Variants in HMCN1 observed in about 807,000 individuals in gnomAD.
The protein encoded by HMCN1 is hemicentin 1.
A neutral mutation model predicts 625.9 loss-of-function variants in HMCN1; 321 were observed. That is an observed-to-expected ratio of 0.51 (90% CI 0.47 to 0.56). The LOEUF is 0.56. HMCN1 is among the 20% of genes least tolerant of loss of function. The pLI, the probability that HMCN1 is intolerant of heterozygous loss-of-function variation, is 0.00. For synonymous variants in HMCN1, 2,425 were observed against 2,417.6 expected, an observed-to-expected ratio of 1.00 and a Z score of -0.09; for missense variants, 6,588 against 6,887.3, an observed-to-expected ratio of 0.96 and a Z score of 1.54.
At chr1:185,873,230 A>C (rs1248109821) in intron 4 of HMCN1, among the ~76,000 whole-genome samples, 1 of 152,170 alleles carries the variant, frequency 6.6e-6, no homozygotes, top group East Asian at 1.9e-4. Flanking sequence ...CTGCATTGCT[A>C]ATTCTGGGTT....
chr1:185,771,197 A>G (rs1656217566), intron 1 of HMCN1, among the ~76,000 whole-genome samples: 1 of 152,194 alleles, frequency 6.6e-6, no homozygotes, highest in Non-Finnish European at 1.5e-5. Context: ...GCATTCCAGA[A>G]TACTGTACTG....
At chr1:186,030,352 G>A (rs10798031) in intron 36 of HMCN1, among the ~76,000 whole-genome samples, 98,151 of 151,856 alleles carry the variant, frequency 0.65, 33,356 homozygotes, top group African/African-American at 0.88. Context: ...TTTTTGTTCC[G>A]TGTATATTGG....
chr1:186,073,754 T>G (rs1029236796), intron 52 of HMCN1, among the ~76,000 whole-genome samples: 1 of 151,618 alleles, frequency 6.6e-6, no homozygotes, highest in Non-Finnish European at 1.5e-5. Context: ...AGTGAAAATA[T>G]TGCAAGGTCA....
At chr1:186,012,336 A>G (rs551741176) in intron 30 of HMCN1, among the ~76,000 whole-genome samples, 1 of 151,936 alleles carries the variant, frequency 6.6e-6, no homozygotes, top group South Asian at 2.1e-4. Flanking sequence ...TTTTCTGAAA[A>G]TATTTTTGAC....
At chr1:186,034,301 C>T (rs1162825580) in intron 36 of HMCN1, among the ~76,000 whole-genome samples, 2 of 152,160 alleles carry the variant, frequency 1.3e-5, no homozygotes, top group African/African-American at 4.8e-5. Flanking sequence ...AATATTAACC[C>T]AGTCAGGCCA....
intron 1 of HMCN1, among the ~76,000 whole-genome samples, chr1:185,804,179 T>C (rs1357806585): frequency 6.6e-6 from 1 of 152,018 alleles, no homozygotes; most frequent in Non-Finnish European, 1.5e-5. Flanking sequence ...GTTTTCAAAG[T>C]ATAATTTTAG....
chr1:186,127,218 A>C (rs74136040), intron 82 of HMCN1, among the ~76,000 whole-genome samples: 1,619 of 152,210 alleles, frequency 0.011, 26 homozygotes, highest in African/African-American at 0.032. Flanking sequence ...TGGGGCATGA[A>C]TGTGAGACAT....
At chr1:185,889,667 A>G (rs879405572) in intron 4 of HMCN1, among the ~76,000 whole-genome samples, 61 of 138,186 alleles carry the variant, frequency 4.4e-4, no homozygotes, top group Non-Finnish European at 7.6e-4. Context: ...AGCCCACTTG[A>G]TCATGGTGGA....
At chr1:186,119,598 T>C in intron 78 of HMCN1, 147 bp from the exon 79 acceptor site, 1 of 832,152 alleles carries the variant, frequency 1.2e-6, no homozygotes. Flanking sequence ...AAGAATGCAG[T>C]GTGGCCAACA....
chr1:186,016,537 A>G (rs1654380639), intron 32 of HMCN1, among the ~76,000 whole-genome samples: 1 of 152,044 alleles, frequency 6.6e-6, no homozygotes, highest in Admixed American at 6.6e-5. Context: ...GTCTTTTGTC[A>G]TAAGCATTGT....
At chr1:185,944,780 T>G (rs1283863023) in intron 11 of HMCN1, among the ~76,000 whole-genome samples, 3 of 152,220 alleles carry the variant, frequency 2.0e-5, no homozygotes, top group African/African-American at 7.2e-5. Flanking sequence ...TTATTCAGTT[T>G]TGTGTCTTCA....
chr1:186,051,764 G>A (rs746620250), intron 42 of HMCN1, among the ~76,000 whole-genome samples: 14 of 152,014 alleles, frequency 9.2e-5, no homozygotes, highest in Admixed American at 9.2e-4. Context: ...AGAGAAGTCG[G>A]TAAACAGAAG....
chr1:186,161,420 A>G (rs1214695946), intron 97 of HMCN1, among the ~76,000 whole-genome samples: 1 of 151,994 alleles, frequency 6.6e-6, no homozygotes, highest in African/African-American at 2.4e-5. Flanking sequence ...GTCCATTTAC[A>G]TTTAAAGTTA....
At chr1:185,853,717 T>A (rs1662299412) in intron 2 of HMCN1, among the ~76,000 whole-genome samples, 1 of 152,192 alleles carries the variant, frequency 6.6e-6, no homozygotes, top group Non-Finnish European at 1.5e-5. Flanking sequence ...ATTGTAATGA[T>A]CTTTTGTGTA....
chr1:186,113,837 A>T, intron 72 of HMCN1, 142 bp from the exon 73 acceptor site: 1 of 945,666 alleles, frequency 1.1e-6, no homozygotes, highest in East Asian at 2.4e-5. Flanking sequence ...TTAAACCTCA[A>T]TTCTACTTAT....
chr1:185,939,503 G>A (rs935815119), intron 11 of HMCN1, among the ~76,000 whole-genome samples: 5 of 152,184 alleles, frequency 3.3e-5, no homozygotes, highest in African/African-American at 1.2e-4. Flanking sequence ...AGAACTATAA[G>A]TGACTTTTTG....
chr1:186,157,467 T>C (rs959745212), intron 97 of HMCN1, among the ~76,000 whole-genome samples: 2 of 152,202 alleles, frequency 1.3e-5, no homozygotes, highest in African/African-American at 2.4e-5. Context: ...CCTAGTATGA[T>C]TATTTTGGGA....
chr1:186,061,806 A>G (rs746871377), intron 46 of HMCN1, 45 bp from the exon 47 acceptor site: 2 of 1,398,746 alleles, frequency 1.4e-6, no homozygotes, highest in Non-Finnish European at 1.0e-6. Context: ...ATAAAGTTTC[A>G]TTTTTCTTTT....
At chr1:185,966,055 T>C in intron 14 of HMCN1, 140 bp downstream of exon 14, 1 of 678,272 alleles carries the variant, frequency 1.5e-6, no homozygotes. Flanking sequence ...GAGACAATAG[T>C]TCAAAATTCT....
Sources: gnomAD v4.1 joint callset for allele counts (sites outside exome capture counted in the v4.1 genomes callset) on GRCh38, gnomAD v4.1.1 for gene constraint, MANE v1.5 for transcripts, NCBI Gene and HGNC (gene_info 2026-07-23, HGNC 2026-07-21) for gene names.